The following RBMX2 variants were observed in gnomAD, a reference collection of about 807,000 sequenced individuals.
RBMX2 encodes RNA-binding motif protein, X-linked 2.
For synonymous variants in RBMX2, 77 were observed against 94.3 expected (o/e 0.82, Z 1.07); for missense variants, 191 against 256.0 (o/e 0.75, Z 1.73).
Position 130,412,745 on chromosome X carries a change from A to G in RBMX2, c.866A>G (p.Tyr289Cys), listed in dbSNP as rs1378549079. The G allele has an allele frequency of 1.7e-6, 2 of 1,209,110 alleles. No homozygotes were observed. Among genetic ancestry groups the G allele is most frequent in the Non-Finnish European group, 1.1e-6 (1 of 894,961 alleles). The change falls in exon 6 of 6, where the codon TAT (tyrosine) becomes TGT (cysteine). Residue 289 changes from tyrosine to cysteine, a missense_variant. Transcript: ENST00000305536. ...AATGGGCGTTCTGAAGGGCGTAGTT[A>G]TAGAAGTAGAAGTAGGAGCCGAGAT... Reference protein sequence around the residue: ...WYNGRSEGRSYRSRSRSRDKS... With the variant: ...WYNGRSEGRSCRSRSRSRDKS...
intron 3 of RBMX2, among the ~76,000 whole-genome samples, chrX:130,405,548 A>G (rs1569459952): frequency 9.0e-6 from 1 of 111,669 alleles, no homozygotes; most frequent in Non-Finnish European, 1.9e-5. Context: ...TTTTAAAAAA[A>G]TGTTGGACAT....
intron 1 of RBMX2, 22 bp from the exon 2 acceptor site, chrX:130,402,233 C>CT (rs2034459128): frequency 8.7e-7 from 1 of 1,150,895 alleles, no homozygotes; most frequent in African/African-American, 1.9e-5. Flanking sequence ...CTACCCTCCC[C>CT]ACCCCCCCCG....
chrX:130,411,984 A>G (rs750157237), intron 5 of RBMX2, among the ~76,000 whole-genome samples: 1 of 111,299 alleles, frequency 9.0e-6, no homozygotes, highest in Non-Finnish European at 1.9e-5. Flanking sequence ...GTGCAGTGGC[A>G]CGATCTCGGC....
At chrX:130,404,147 C>T (rs2034471536) in intron 3 of RBMX2, 1 of 290,749 alleles carries the variant, frequency 3.4e-6, no homozygotes, top group South Asian at 1.1e-4. Flanking sequence ...GACTGGACTC[C>T]TTGGGCTCTT....
At chrX:130,408,792 A>G (rs2034498193) in intron 3 of RBMX2, among the ~76,000 whole-genome samples, 1 of 112,317 alleles carries the variant, frequency 8.9e-6, no homozygotes, top group Admixed American at 9.5e-5. Context: ...CAGAGTAATT[A>G]TGTATATTAA....
intron 3 of RBMX2, among the ~76,000 whole-genome samples, chrX:130,405,398 GAAAA>G (rs955780685): frequency 2.8e-5 from 3 of 106,446 alleles, no homozygotes; most frequent in African/African-American, 1.0e-4. Flanking sequence ...AAAGAAAAAA[GAAAA>G]AAAAACTACT....
At chrX:130,402,225 A>AGCCAACCC in intron 1 of RBMX2, 30 bp from the exon 2 acceptor site, 42 of 984,630 alleles carry the variant, frequency 4.3e-5, no homozygotes, top group Non-Finnish European at 5.2e-5. Context: ...TTTTCTGCCT[A>AGCCAACCC]CCCTCCCCAC....
At chrX:130,402,219 C>G in intron 1 of RBMX2, 36 bp from the exon 2 acceptor site, 2 of 1,188,501 alleles carry the variant, frequency 1.7e-6, no homozygotes, top group South Asian at 3.7e-5. Flanking sequence ...GTCTGCTTTT[C>G]TGCCTACCCT....
chrX:130,402,145 G>A (rs891689329), intron 1 of RBMX2, 108 bp downstream of exon 1: 21 of 1,159,991 alleles, frequency 1.8e-5, no homozygotes, highest in East Asian at 9.5e-5. Context: ...GAGCGGCGCG[G>A]GGACTGGAAC....
chrX:130,402,188 C>T, intron 1 of RBMX2, 67 bp from the exon 2 acceptor site: 1 of 1,172,446 alleles, frequency 8.5e-7, no homozygotes, highest in South Asian at 1.9e-5. Context: ...TTCCTCAGCT[C>T]CGGCCGGTTC....
intron 2 of RBMX2, among the ~76,000 whole-genome samples, chrX:130,403,519 C>G (rs1311826988): frequency 1.8e-5 from 2 of 111,617 alleles, no homozygotes; most frequent in Non-Finnish European, 3.8e-5. Flanking sequence ...CAGGTGCCCG[C>G]CACCTCACCT....
chrX:130,411,445 A>G lies in RBMX2; in HGVS notation c.401A>G (p.Lys134Arg). 2 of 1,209,957 alleles carry G rather than the reference A, an allele frequency of 1.7e-6. No individual in the cohort carries two copies. Among genetic ancestry groups the G allele is most frequent in the Non-Finnish European group, 2.2e-6 (2 of 894,696 alleles). ...IDDVTRQLQE[K>R]GCGARTPSPS... is the part of the protein sequence containing the mutation. ...GATGTGACCAGACAACTCCAGGAGA[A>G]GGGCTGTGGGGCTCGTACCCCCTCA... The change falls in exon 5 of 6, where the codon AAG becomes AGG. Residue 134 changes from lysine to arginine, a missense_variant. Physicochemically the swap from Lys to Arg is conservative, Grantham distance 26 (BLOSUM62 2). Coordinates refer to ENST00000305536, the MANE Select transcript of RBMX2 (RefSeq NM_016024.4).
In RBMX2 at chrX:130,413,586, GCA is replaced by G. The variant is rs2034526213; in HGVS notation, c.*739_*740del. The stretch of plus-strand genomic sequence containing the variant: ...GTTTCCTCCCTCCTCCCTGTCCCTA[GCA>G]ACCACCAGTGGACTTCCTGTTTATG... On this transcript the variant is annotated 3_prime_UTR_variant, in exon 6 of 6. Transcript: ENST00000305536. Among the ~76,000 whole-genome samples, 1 of 108,435 alleles carries G rather than the reference GCA, an allele frequency of 9.2e-6. No individual in the cohort carries two copies. Among genetic ancestry groups the G allele is most frequent in the Non-Finnish European group, 1.9e-5 (1 of 52,498 alleles). The allele number at this position is 108,435 out of a possible 115,157, so 94.2% of individuals were successfully genotyped here. A position where few individuals can be genotyped will look rare whatever the true frequency, so the allele number is the denominator to read the frequency against.
rs1163015059 is a variant in RBMX2 at position 130,413,557 on chromosome X, C to T, written c.*709C>T. Among the ~76,000 whole-genome samples, 1 of 110,302 alleles carries T rather than the reference C, an allele frequency of 9.1e-6. No individual in the cohort carries two copies. Among genetic ancestry groups the T allele is most frequent in the Non-Finnish European group, 1.9e-5 (1 of 52,859 alleles). ...ACCCTGTAGCCATTAAACAAGAGCT[C>T]CCCGTTTCCTCCCTCCTCCCTGTCC... On this transcript the variant is annotated 3_prime_UTR_variant, in exon 6 of 6. Coordinates refer to ENST00000305536, the MANE Select transcript of RBMX2 (RefSeq NM_016024.4).
At chrX:130,402,520 C>G in intron 2 of RBMX2, 150 bp downstream of exon 2, 4 of 998,345 alleles carry the variant, frequency 4.0e-6, no homozygotes, top group Non-Finnish European at 5.3e-6. Flanking sequence ...TGTTACATCT[C>G]TTTTCTGCCC....
chrX:130,409,716 C>T (rs1398664857), intron 4 of RBMX2, among the ~76,000 whole-genome samples: 1 of 111,612 alleles, frequency 9.0e-6, no homozygotes. Context: ...GATGAAGAGA[C>T]TAGCAAACAT....
chrX:130,409,227 C>T, intron 3 of RBMX2, 30 bp from the exon 4 acceptor site: 2 of 1,161,894 alleles, frequency 1.7e-6, no homozygotes, highest in Non-Finnish European at 2.3e-6. Context: ...TTTAAGTCAA[C>T]AGTGTCTTAC....
At chrX:130,403,281 C>T (rs981074748) in intron 2 of RBMX2, among the ~76,000 whole-genome samples, 2 of 112,434 alleles carry the variant, frequency 1.8e-5, no homozygotes. Flanking sequence ...GTGGTGACCC[C>T]GACTTCCACT....
At chrX:130,402,520 C>T (rs1320150219) in intron 2 of RBMX2, 150 bp downstream of exon 2, 19 of 996,463 alleles carry the variant, frequency 1.9e-5, no homozygotes, top group Non-Finnish European at 1.3e-6. Flanking sequence ...TGTTACATCT[C>T]TTTTCTGCCC....
Sources: allele counts gnomAD v4.1 joint callset (sites outside exome capture counted in the v4.1 genomes callset), GRCh38; gene constraint gnomAD v4.1.1; transcripts MANE v1.5; gene names NCBI Gene and HGNC (gene_info 2026-07-23, HGNC 2026-07-21).